The following MGAM variants were observed in gnomAD, a reference collection of about 807,000 sequenced individuals.
MGAM encodes alpha-1,4-glucosidase.
MGAM carries 253 observed loss-of-function variants against 358.8 expected under a neutral mutation model. The ratio of observed to expected loss-of-function variants is 0.71; its 90% CI spans 0.64 to 0.78. MGAM has a LOEUF of 0.78. MGAM is among the 30% of genes least tolerant of loss of function. MGAM has a pLI of 0.00. For synonymous variants in MGAM, 1,105 were observed against 1,227.1 expected (o/e 0.90, Z 2.08); for missense variants, 3,080 against 3,432.6 (o/e 0.90, Z 2.57).
At position 142,075,218 on chromosome 7, in the gene MGAM, T is replaced by C. The variant is rs1206327665; in HGVS notation, c.5276-985T>C. Among the ~76,000 whole-genome samples the C allele has an allele frequency of 2.7e-5, 4 of 146,636 alleles. 1 individual carries two copies. Among genetic ancestry groups the C allele is most frequent in the Non-Finnish European group, 4.6e-5 (3 of 64,746 alleles). ...TGAAAAATATTCTACTGTATATATG[T>C]ACCAGAACATCTTTATCTATTCATC... On this transcript the variant is annotated intron_variant, in intron 45 of 70. Transcript: ENST00000475668.
intron 46 of MGAM, 59 bp from the exon 47 acceptor site, chr7:142,076,600 T>G: frequency 5.2e-5 from 70 of 1,349,004 alleles, no homozygotes; most frequent in Non-Finnish European, 6.8e-5. Flanking sequence ...ATGAGTGACT[T>G]GAGAATCTGT....
intron 21 of MGAM, among the ~76,000 whole-genome samples, chr7:142,046,412 A>C (rs1810421299): frequency 6.6e-6 from 1 of 151,674 alleles, no homozygotes; most frequent in Non-Finnish European, 1.5e-5. Flanking sequence ...ATTCCTCCAG[A>C]GATGATTTGC....
At chr7:141,990,688 T>G (rs1003669898) in intron 2 of MGAM, among the ~76,000 whole-genome samples, 1 of 152,252 alleles carries the variant, frequency 6.6e-6, no homozygotes, top group South Asian at 2.1e-4. Context: ...TTTTTATTTT[T>G]TTATTATTAT....
chr7:142,052,271 T>C (rs759917392), intron 24 of MGAM, 23 bp from the exon 25 acceptor site: 1 of 1,575,340 alleles, frequency 6.3e-7, no homozygotes, highest in East Asian at 2.3e-5. Flanking sequence ...ATGAATTTCC[T>C]TATGATTTCC....
chr7:142,037,364 C>A (rs1410556315), intron 18 of MGAM, among the ~76,000 whole-genome samples: 2 of 152,032 alleles, frequency 1.3e-5, no homozygotes, highest in Non-Finnish European at 2.9e-5. Context: ...ACTATAATGC[C>A]AGAACTATGT....
In MGAM at chr7:142,065,444, G is replaced by A; in HGVS notation, c.4594G>A (p.Asp1532Asn). Reference protein sequence around the residue: ...HWLGDNTAAWDQLKKSIIGMM... With the variant: ...HWLGDNTAAWNQLKKSIIGMM... ...GCTGGGAGACAACACGGCCGCATGGGATCAGCTGAAGAAGTCTATCATTGG... is the reference window on the plus strand; with the variant it reads ...GCTGGGAGACAACACGGCCGCATGGAATCAGCTGAAGAAGTCTATCATTGG... The change falls in exon 38 of 71, where the codon GAT becomes AAT. Residue 1532 changes from aspartate to asparagine, a missense_variant. Physicochemically the swap from Asp to Asn is conservative, Grantham distance 23. Around this residue, in one of 5 missense-constraint regions of MGAM, gnomAD observed 134 missense variants for 198.4 expected, o/e 0.68. Coordinates refer to ENST00000475668, the MANE Select transcript of MGAM (RefSeq NM_001365693.1). 1 of 1,610,632 alleles carries A rather than the reference G, an allele frequency of 6.2e-7. No homozygotes were observed. The highest frequency in any genetic ancestry group is 8.5e-7 in the Non-Finnish European group (1 of 1,178,304).
rs139073688 is a variant in MGAM, at chr7:142,101,505, CA to C, written c.7963+617del. Reference sequence around the variant, plus strand: ...TATTTTTAATTTTATTCAATCTTAACAAGCTTAAATTTAAACGTGTTACATT... The same window carrying C: ...TATTTTTAATTTTATTCAATCTTAACAGCTTAAATTTAAACGTGTTACATT... On this transcript the variant is annotated intron_variant, in intron 68 of 70. Transcript: ENST00000475668. 9.8e-3 allele frequency among the ~76,000 whole-genome samples: 1,491 copies of C among 151,696 alleles called. 20 individuals carry two copies. The highest frequency in any genetic ancestry group is 0.034 in the African/African-American group (1,398 of 41,308).
chr7:142,070,885 G>A (rs1813286278), intron 43 of MGAM, 109 bp from the exon 44 acceptor site: 3 of 1,388,106 alleles, frequency 2.2e-6, no homozygotes, highest in African/African-American at 2.7e-5. Flanking sequence ...TGCAAAGGGT[G>A]ATGAACAGGC....
In MGAM at chr7:142,030,881, A is replaced by G. The variant is rs782162141; in HGVS notation, c.1470+124A>G. The G allele has an allele frequency of 1.5e-5, 10 of 673,644 alleles. No individual in the cohort carries two copies. The Admixed American group carries it at 2.2e-4, about 15-fold the overall frequency. The allele number at this position is 673,644 out of a possible 1,614,324, so 41.7% of individuals were successfully genotyped here. On this transcript the variant is annotated intron_variant, in intron 12 of 70. Transcript: ENST00000475668. ...TTGTACATTTTCAGTATATTTATATATGCTGGGGATAAATTCTCCTCTGCC... is the reference window on the plus strand; with the variant it reads ...TTGTACATTTTCAGTATATTTATATGTGCTGGGGATAAATTCTCCTCTGCC...
chr7:142,106,045 A>G lies in MGAM; in HGVS notation c.*154A>G. On this transcript the variant is annotated 3_prime_UTR_variant, in exon 71 of 71. Transcript: ENST00000475668. ...GTTATATGTTTTTTGTGTGAACCCT[A>G]AAGGTTAAACCTTAGCCCTGTGGGA... The G allele has an allele frequency of 1.6e-6, 1 of 631,076 alleles. No individual in the cohort carries two copies. Among genetic ancestry groups the G allele is most frequent in the Non-Finnish European group, 2.7e-6 (1 of 365,992 alleles). 39.1% of individuals were successfully genotyped at this position (631,076 alleles called of 1,614,324 possible). A position where few individuals can be genotyped will look rare whatever the true frequency, so the allele number is the denominator to read the frequency against.
In MGAM at chr7:142,040,162, C is replaced by G; in HGVS notation, c.2364C>G (p.Asp788Glu). 6.2e-7 allele frequency: 1 copy of G among 1,611,492 alleles called. No individual in the cohort carries two copies. Among genetic ancestry groups the G allele is most frequent in the East Asian group, 2.2e-5 (1 of 44,764 alleles). The change falls in exon 20 of 71, where the codon GAC becomes GAG. Residue 788 changes from aspartate to glutamate, a missense_variant. Asp to Glu is a conservative substitution (Grantham distance 45). Transcript: ENST00000475668. The stretch of plus-strand genomic sequence containing the variant: ...ATGTGCCTGATGCTGTCTGGTATGA[C>G]TACGAGACTGTAAGTAGCTTTGACT... Reference protein sequence around the residue: ...MAYVPDAVWYDYETGSQVRWR... With the variant: ...MAYVPDAVWYEYETGSQVRWR...
upstream of MGAM, among the ~76,000 whole-genome samples, chr7:141,995,260 T>C (rs1362748729): frequency 7.2e-6 from 1 of 138,456 alleles, no homozygotes; most frequent in Non-Finnish European, 1.5e-5. Flanking sequence ...AAAAAAAAAA[T>C]CCCCTAGAAA....
At chr7:142,025,845 T>C (rs534042467) in intron 8 of MGAM, among the ~76,000 whole-genome samples, 2 of 152,288 alleles carry the variant, frequency 1.3e-5, no homozygotes, top group African/African-American at 4.8e-5. Context: ...CTCTAAATGA[T>C]CTAACATGAT....
chr7:142,052,298 C>T lies in MGAM; in HGVS notation c.2810C>T (p.Ala937Val). 6.2e-7 allele frequency: 1 copy of T among 1,602,382 alleles called. No homozygotes were observed. The highest frequency in any genetic ancestry group is 8.5e-7 in the Non-Finnish European group (1 of 1,173,750). Residue 937 changes from alanine to valine, a missense_variant, in exon 25 of 71, where the codon GCC (alanine) becomes GTC (valine). Around this residue, in one of 5 missense-constraint regions of MGAM, gnomAD observed 1,816 missense variants for 1,840.5 expected, o/e 0.99. Transcript: ENST00000475668. ...TVTYDSNLKV[A>V]IITDIDLLLG... ...ATGATTTCCACATTCCTACAGGTTG[C>T]CATTATCACAGATATTGATCTTCTC... is the stretch of plus-strand genomic sequence containing the variant.
At chr7:142,016,265 C>G (rs1805962898) in intron 3 of MGAM, among the ~76,000 whole-genome samples, 1 of 152,188 alleles carries the variant, frequency 6.6e-6, no homozygotes, top group Non-Finnish European at 1.5e-5. Flanking sequence ...GTCTCTATCT[C>G]TGAATTCTAT....
intron 21 of MGAM, among the ~76,000 whole-genome samples, chr7:142,046,941 A>G (rs1704974867): frequency 6.6e-6 from 1 of 152,074 alleles, no homozygotes; most frequent in South Asian, 2.1e-4. Flanking sequence ...TTTGTATCTC[A>G]TTGACTTCTT....
chr7:142,023,344 T>C (rs1806637839), intron 7 of MGAM, among the ~76,000 whole-genome samples: 1 of 152,004 alleles, frequency 6.6e-6, no homozygotes, highest in Admixed American at 6.6e-5. Context: ...GGATTACAAA[T>C]GTGAGCCACT....
At chr7:142,089,795 A>G (rs542837320) in intron 57 of MGAM, among the ~76,000 whole-genome samples, 3 of 146,296 alleles carry the variant, frequency 2.1e-5, no homozygotes, top group Admixed American at 6.9e-5. Context: ...TCAGAAGAAA[A>G]AAAAAGGAAG....
rs569586803 is a variant in MGAM at position 142,095,048 on chromosome 7, C to T, written c.7458+185C>T. Among the ~76,000 whole-genome samples, 46 of 152,090 alleles carry T rather than the reference C, an allele frequency of 3.0e-4. 1 individual carries two copies. Among genetic ancestry groups the T allele is most frequent in the Middle Eastern group, 3.4e-3 (1 of 294 alleles). On this transcript the variant is annotated intron_variant, in intron 63 of 70. Coordinates refer to ENST00000475668, the MANE Select transcript of MGAM (RefSeq NM_001365693.1). ...GTGTCCCAATCATGGCTGACTGCAG[C>T]CTTGACCTCTGGGGCTCAAGCGACT...
Sources: gnomAD v4.1 joint callset for allele counts (sites outside exome capture counted in the v4.1 genomes callset) on GRCh38, gnomAD v4.1.1 for gene constraint, gnomAD v4.1.1 regional missense constraint, MANE v1.5 for transcripts, NCBI Gene and HGNC (gene_info 2026-07-23, HGNC 2026-07-21) for gene names.